CTNNA3: variants seen among roughly 807,000 people sequenced by gnomAD.
CTNNA3 encodes the protein catenin alpha-3.
Under a neutral mutation model 95.7 loss-of-function variants are expected in CTNNA3, and 76 were observed. The ratio of observed to expected loss-of-function variants is 0.79; its 90% CI spans 0.66 to 0.96. The LOEUF (loss-of-function observed/expected upper bound fraction) is 0.96. Among genes scored for constraint, CTNNA3 ranks in the 40% least tolerant of loss-of-function variants. The probability of loss-of-function intolerance (pLI) is 0.00; values close to 1 mark genes in which losing one functional copy is unlikely to be tolerated. For missense variants in CTNNA3, 1,191 were observed against 1,089.8 expected (o/e 1.09, Z -1.31); for synonymous variants, 431 against 374.4 (o/e 1.15, Z -1.74).
At chr10:66,057,070 T>TTCTC (rs1307866733) in intron 15 of CTNNA3, among the ~76,000 whole-genome samples, 3 of 152,184 alleles carry the variant, frequency 2.0e-5, no homozygotes, top group African/African-American at 7.2e-5. Flanking sequence ...TACCTGAAAC[T>TTCTC]TCTCTACCTC....
intron 9 of CTNNA3, among the ~76,000 whole-genome samples, chr10:66,761,691 T>C (rs1202960213): frequency 6.6e-6 from 1 of 152,204 alleles, no homozygotes; most frequent in Non-Finnish European, 1.5e-5. Context: ...AATGGCATTC[T>C]TCCGAATAAT....
At chr10:66,157,514 G>C (rs1251922133) in intron 13 of CTNNA3, among the ~76,000 whole-genome samples, 2 of 149,464 alleles carry the variant, frequency 1.3e-5, no homozygotes, top group East Asian at 3.9e-4. Context: ...TAGATAGATA[G>C]ATAGATAGAT....
chr10:67,176,870 A>G (rs750451437), intron 7 of CTNNA3: 103 of 468,584 alleles, frequency 2.2e-4, no homozygotes, highest in African/African-American at 1.9e-3. Context: ...ACCTCTAGAA[A>G]CTGGAAAAGG....
intron 5 of CTNNA3, among the ~76,000 whole-genome samples, chr10:67,487,406 G>A (rs527656867): frequency 2.0e-4 from 31 of 152,268 alleles, no homozygotes; most frequent in Non-Finnish European, 3.4e-4. Flanking sequence ...GAAACCCACG[G>A]AAGAGTGTGT....
At chr10:67,759,785 G>A (rs1589591076) in intron 1 of CTNNA3, among the ~76,000 whole-genome samples, 1 of 152,240 alleles carries the variant, frequency 6.6e-6, no homozygotes, top group East Asian at 1.9e-4. Flanking sequence ...AAAAAAGTGG[G>A]TAGCCTATAG....
intron 5 of CTNNA3, among the ~76,000 whole-genome samples, chr10:67,425,655 G>A (rs983040796): frequency 1.3e-5 from 2 of 151,986 alleles, no homozygotes; most frequent in Non-Finnish European, 2.9e-5. Context: ...CCATCTGAAG[G>A]TAGGGTTCTT....
intron 5 of CTNNA3, among the ~76,000 whole-genome samples, chr10:67,413,285 A>C (rs916839657): frequency 1.6e-4 from 21 of 133,360 alleles, no homozygotes; most frequent in Non-Finnish European, 2.6e-4. Flanking sequence ...TTCTTCATTC[A>C]TTCATCATTC....
chr10:67,467,543 T>C (rs1010523027), intron 5 of CTNNA3, among the ~76,000 whole-genome samples: 2 of 152,108 alleles, frequency 1.3e-5, no homozygotes, highest in Non-Finnish European at 2.9e-5. Context: ...ATGATAAACA[T>C]CTGATTCCCA....
intron 11 of CTNNA3, among the ~76,000 whole-genome samples, chr10:66,383,435 A>G (rs1184490888): frequency 1.3e-5 from 2 of 152,218 alleles, no homozygotes; most frequent in African/African-American, 4.8e-5. Context: ...TCCAAGAAAT[A>G]TGGGACTATG....
chr10:67,681,371 A>G (rs1188822852), intron 1 of CTNNA3, among the ~76,000 whole-genome samples: 2 of 152,184 alleles, frequency 1.3e-5, no homozygotes, highest in African/African-American at 2.4e-5. Flanking sequence ...ATGGACTCCA[A>G]TATAAACTTA....
At chr10:66,433,959 G>A (rs1464288824) in intron 11 of CTNNA3, among the ~76,000 whole-genome samples, 2 of 152,176 alleles carry the variant, frequency 1.3e-5, no homozygotes, top group African/African-American at 4.8e-5. Flanking sequence ...CTGTAGATGT[G>A]TGGTGTTATT....
chr10:66,410,614 T>C (rs13376967), intron 11 of CTNNA3, among the ~76,000 whole-genome samples: 20,476 of 152,162 alleles, frequency 0.13, 1,767 homozygotes, highest in African/African-American at 0.25. Context: ...ACTCCTGACC[T>C]TTCCCTCTGC....
At chr10:66,425,699 C>T (rs568835723) in intron 11 of CTNNA3, among the ~76,000 whole-genome samples, 1 of 147,390 alleles carries the variant, frequency 6.8e-6, no homozygotes, top group African/African-American at 2.6e-5. Flanking sequence ...CACACACACA[C>T]ATATATACAC....
intron 13 of CTNNA3, among the ~76,000 whole-genome samples, chr10:66,177,917 T>A (rs1038173112): frequency 1.3e-5 from 2 of 152,154 alleles, no homozygotes; most frequent in Middle Eastern, 3.4e-3. Context: ...AAAATTTAGT[T>A]TAAGGCAGGC....
intron 7 of CTNNA3, among the ~76,000 whole-genome samples, chr10:66,862,084 A>G (rs934735310): frequency 1.3e-5 from 2 of 152,078 alleles, no homozygotes; most frequent in African/African-American, 4.8e-5. Flanking sequence ...GTGTGGTGGC[A>G]CATGCTGTAG....
At chr10:66,220,930 G>A (rs2088893315) in intron 13 of CTNNA3, among the ~76,000 whole-genome samples, 1 of 152,178 alleles carries the variant, frequency 6.6e-6, no homozygotes, top group African/African-American at 2.4e-5. Context: ...CAACATTCAA[G>A]CCAGAAAACA....
At chr10:67,330,955 C>T (rs1423032961) in intron 5 of CTNNA3, among the ~76,000 whole-genome samples, 1 of 152,176 alleles carries the variant, frequency 6.6e-6, no homozygotes, top group African/African-American at 2.4e-5. Context: ...GGAATTCATA[C>T]TTGCTGAAAC....
chr10:66,102,182 A>G (rs2081661276), intron 14 of CTNNA3, among the ~76,000 whole-genome samples: 1 of 152,154 alleles, frequency 6.6e-6, no homozygotes, highest in Admixed American at 6.6e-5. Flanking sequence ...ATTTGCTTCC[A>G]TCTCCAAATT....
In CTNNA3 at chr10:67,747,312, C is replaced by A. The variant is rs1228857331; in HGVS notation, c.-2+16122G>T. ...GCTTTATTAAGTGGGTCCTGGATCC[C>A]ATGCCCCCCAACAGGGGTCACCGGA... On this transcript the variant is annotated intron_variant, in intron 1 of 17. Coordinates refer to the CTNNA3 transcript ENST00000684154. 3.9e-5 allele frequency among the ~76,000 whole-genome samples: 6 copies of A among 152,280 alleles called. No homozygotes were observed. The East Asian group carries it at 1.2e-3, about 29-fold the overall frequency.
Sources: allele counts gnomAD v4.1 joint callset (sites outside exome capture counted in the v4.1 genomes callset), GRCh38; gene constraint gnomAD v4.1.1; transcripts MANE v1.5; gene names NCBI Gene and HGNC (gene_info 2026-07-23, HGNC 2026-07-21).